Variants in PRR16 observed in about 807,000 individuals in gnomAD.
The protein encoded by PRR16 is protein Largen.
Under a neutral mutation model 18.2 loss-of-function variants are expected in PRR16, and 6 were observed. The observed-to-expected ratio is 0.33, with a 90% CI of 0.18 to 0.65. The LOEUF (loss-of-function observed/expected upper bound fraction) is 0.65, where lower values mean the gene tolerates loss of function less well. Among genes scored for constraint, PRR16 ranks in the 30% least tolerant of loss-of-function variants. The pLI is 0.74. For missense variants in PRR16, 412 were observed against 376.6 expected (o/e 1.09, Z -0.78); for synonymous variants, 151 against 147.8 (o/e 1.02, Z -0.16).
At chr5:120,727,304 T>C in the PRR16 span, among the ~76,000 whole-genome samples, 35 of 152,074 alleles carry the variant, frequency 2.3e-4, no homozygotes, top group Non-Finnish European at 4.6e-4. Flanking sequence ...TGGCTTCAAG[T>C]CCACTTACAA....
the PRR16 span, among the ~76,000 whole-genome samples, chr5:120,761,010 A>G: frequency 6.6e-6 from 1 of 152,056 alleles, no homozygotes; most frequent in Non-Finnish European, 1.5e-5. Context: ...ACCAGGTCAC[A>G]TTTTCTAAAG....
At chr5:120,549,668 G>A (rs1752191218) in intron 1 of PRR16, among the ~76,000 whole-genome samples, 1 of 151,868 alleles carries the variant, frequency 6.6e-6, no homozygotes, top group Admixed American at 6.6e-5. Context: ...AGTAGATAGG[G>A]TGGGACACTA....
chr5:120,653,893 T>C (rs970293311), intron 1 of PRR16, among the ~76,000 whole-genome samples: 2 of 152,000 alleles, frequency 1.3e-5, no homozygotes, highest in Non-Finnish European at 2.9e-5. Context: ...CCCTCCTCAC[T>C]ATCTGGATAA....
chr5:120,697,014 GA>G, the PRR16 span, among the ~76,000 whole-genome samples: 2 of 152,052 alleles, frequency 1.3e-5, no homozygotes, highest in East Asian at 3.9e-4. Context: ...AATGTATGAA[GA>G]TTTAGTTACA....
rs1214104139 is a variant in PRR16, at chr5:120,682,469, C to T, written c.160-3485C>T. On this transcript the variant is annotated intron_variant, in intron 1 of 1. Coordinates refer to ENST00000407149, the MANE Select transcript of PRR16 (RefSeq NM_001300783.2). ...AATTTTATAGGCACTCAGGAAATAACGTAGAGACTGAAACCAGGTAGGAAG... is the reference window on the plus strand; with the variant it reads ...AATTTTATAGGCACTCAGGAAATAATGTAGAGACTGAAACCAGGTAGGAAG... Among the ~76,000 whole-genome samples, 9 of 152,080 alleles carry T rather than the reference C, an allele frequency of 5.9e-5. No individual in the cohort carries two copies. The East Asian group carries it at 7.7e-4, about 13-fold the overall frequency.
chr5:120,640,961 A>G (rs1168577130), intron 1 of PRR16, among the ~76,000 whole-genome samples: 2 of 152,136 alleles, frequency 1.3e-5, no homozygotes, highest in South Asian at 2.1e-4. Context: ...GAGGCAGTGA[A>G]TGAGAGAAAT....
chr5:120,515,141 A>C (rs1750947224), intron 1 of PRR16, among the ~76,000 whole-genome samples: 3 of 152,214 alleles, frequency 2.0e-5, no homozygotes, highest in Admixed American at 2.0e-4. Context: ...GCTGTGTCAT[A>C]ATATCCCAGA....
At chr5:120,651,714 C>G (rs749624925) in intron 1 of PRR16, among the ~76,000 whole-genome samples, 6 of 152,180 alleles carry the variant, frequency 3.9e-5, no homozygotes, top group African/African-American at 9.6e-5. Context: ...CAGTACCATG[C>G]TGCTTTGGTT....
chr5:120,629,269 T>G (rs1754977571), intron 1 of PRR16, among the ~76,000 whole-genome samples: 1 of 152,116 alleles, frequency 6.6e-6, no homozygotes, highest in African/African-American at 2.4e-5. Context: ...CCACATTTAT[T>G]TATGTATGTG....
At chr5:120,468,200 A>G (rs1749163818) in intron 1 of PRR16, among the ~76,000 whole-genome samples, 2 of 152,316 alleles carry the variant, frequency 1.3e-5, no homozygotes, top group African/African-American at 4.8e-5. Flanking sequence ...ATGAAAATAT[A>G]TGAATTTTAA....
At chr5:120,522,612 A>G (rs2112654583) in intron 1 of PRR16, among the ~76,000 whole-genome samples, 1 of 152,072 alleles carries the variant, frequency 6.6e-6, no homozygotes, top group East Asian at 1.9e-4. Flanking sequence ...ATTTTCTCCC[A>G]TTCTGTAGGT....
intron 1 of PRR16, among the ~76,000 whole-genome samples, chr5:120,519,249 A>C (rs915762644): frequency 1.3e-5 from 2 of 152,126 alleles, no homozygotes; most frequent in African/African-American, 4.8e-5. Flanking sequence ...TTCATTATTT[A>C]GTAATGAATA....
At chr5:120,689,293 A>G (rs1200255850), downstream of PRR16, among the ~76,000 whole-genome samples, 2 of 152,184 alleles carry the variant, frequency 1.3e-5, no homozygotes, top group African/African-American at 4.8e-5. Flanking sequence ...ATATTTTTGC[A>G]TATATACAAA....
chr5:120,498,216 TA>T (rs1422518793), intron 1 of PRR16, among the ~76,000 whole-genome samples: 1 of 150,972 alleles, frequency 6.6e-6, no homozygotes, highest in East Asian at 1.9e-4. Context: ...TTTGTCCTTT[TA>T]TAGAGTCTTT....
At chr5:120,591,285 A>C (rs768977527) in intron 1 of PRR16, among the ~76,000 whole-genome samples, 2 of 152,088 alleles carry the variant, frequency 1.3e-5, no homozygotes, top group Non-Finnish European at 2.9e-5. Flanking sequence ...TCTCCAAAAA[A>C]AGAATAAATA....
chr5:120,767,245 A>AAACATCTCAGTCC, the PRR16 span, among the ~76,000 whole-genome samples: 2 of 151,988 alleles, frequency 1.3e-5, no homozygotes, highest in East Asian at 3.9e-4. Context: ...TACAAAGACA[A>AAACATCTCAGTCC]AACATCTCAG....
the PRR16 span, among the ~76,000 whole-genome samples, chr5:120,722,805 T>G: frequency 6.7e-6 from 1 of 150,194 alleles, no homozygotes; most frequent in African/African-American, 2.4e-5. Context: ...TAAGCTTTTG[T>G]TATCTGTAAA....
At chr5:120,661,433 GA>G (rs1478674504) in intron 1 of PRR16, among the ~76,000 whole-genome samples, 1 of 151,968 alleles carries the variant, frequency 6.6e-6, no homozygotes, top group African/African-American at 2.4e-5. Context: ...GATTTTATTG[GA>G]ACACGTTGTA....
rs182676989 is a variant in PRR16, at chr5:120,646,493, C to G, written c.160-39461C>G. Among the ~76,000 whole-genome samples the G allele has an allele frequency of 2.1e-3, 323 of 152,092 alleles. 2 individuals are homozygous for G. The highest frequency in any genetic ancestry group is 6.8e-3 in the Middle Eastern group (2 of 294). ...GGAAAGCTCAGACACTTGCCTGAAT[C>G]TCCAGGCAAGTATAGTAGAAGAGTG... On this transcript the variant is annotated intron_variant, in intron 1 of 1. Coordinates refer to ENST00000407149, the MANE Select transcript of PRR16 (RefSeq NM_001300783.2).
Sources: gnomAD v4.1 joint callset for allele counts (sites outside exome capture counted in the v4.1 genomes callset) on GRCh38, gnomAD v4.1.1 for gene constraint, MANE v1.5 for transcripts, NCBI Gene and HGNC (gene_info 2026-07-23, HGNC 2026-07-21) for gene names.